WDR35: variants seen among roughly 807,000 people sequenced by gnomAD.
WDR35 encodes WD repeat-containing protein 35.
A neutral mutation model predicts 158.3 loss-of-function variants in WDR35; 118 were observed. The ratio of observed to expected loss-of-function variants is 0.75; its 90% CI spans 0.64 to 0.87. The LOEUF is 0.87. WDR35 is among the 40% of genes least tolerant of loss of function. WDR35 has a pLI of 0.00. For synonymous variants in WDR35, 448 were observed against 476.1 expected (o/e 0.94, Z 0.77); for missense variants, 1,263 against 1,405.8 (o/e 0.90, Z 1.62).
chr2:19,921,492 T>C (rs1216726772), intron 25 of WDR35, among the ~76,000 whole-genome samples: 1 of 152,188 alleles, frequency 6.6e-6, no homozygotes, highest in Admixed American at 6.5e-5. Context: ...ATTCCCTATT[T>C]AATAAATGAT....
chr2:19,933,369 A>C, intron 22 of WDR35, 32 bp downstream of exon 22: 1 of 1,565,886 alleles, frequency 6.4e-7, no homozygotes, highest in Non-Finnish European at 8.8e-7. Context: ...CTAAGACAAT[A>C]AGCTGCACAG....
rs921594852 is a variant in WDR35 at position 19,930,557 on chromosome 2, G to A, written c.2965-5C>T. 8.1e-6 allele frequency: 13 copies of A among 1,613,774 alleles called. No individual in the cohort carries two copies. Among genetic ancestry groups the A allele is most frequent in the African/African-American group, 5.3e-5 (4 of 74,916 alleles). ...ACCAGCCAAGGCAGAAGTGGCCTAC[G>A]AGTAAAGTCAGCCCACACTTTCCGT... is the stretch of plus-strand genomic sequence containing the variant. On this transcript the variant is annotated splice_polypyrimidine_tract_variant and splice_region_variant and intron_variant, in intron 24 of 26. Transcript: ENST00000281405.
intron 25 of WDR35, among the ~76,000 whole-genome samples, chr2:19,919,380 CAAA>C (rs1302042752): frequency 2.1e-5 from 1 of 48,242 alleles, no homozygotes; most frequent in African/African-American, 6.6e-5. Context: ...GGCTCCATCT[CAAA>C]AAAAAAAAAA....
At chr2:19,965,971 C>T (rs1329027981) in intron 10 of WDR35, among the ~76,000 whole-genome samples, 1 of 152,298 alleles carries the variant, frequency 6.6e-6, no homozygotes, top group East Asian at 1.9e-4. Context: ...GTAATTACCG[C>T]TAATCCACCT....
At position 19,936,312 on chromosome 2, in the gene WDR35, TG is replaced by T. The variant is rs1421613051; in HGVS notation, c.2320del (p.Gln774SerfsTer3). The T allele has an allele frequency of 5.6e-6, 9 of 1,613,930 alleles. No homozygotes were observed. Among genetic ancestry groups the T allele is most frequent in the Non-Finnish European group, 7.6e-6 (9 of 1,179,948 alleles). ...ATCACCAGATCCAGTTTTCAGGAGCTGGAGTACTCTAAACCAATCCCCCAAT... is the reference window on the plus strand; with the variant it reads ...ATCACCAGATCCAGTTTTCAGGAGCTGAGTACTCTAAACCAATCCCCCAAT... ...LKLGDWFRVLQLLKTGSGDAD... is the reference protein window; with the variant it reads ...LKLGDWFRVLXLLKTGSGDAD... On this transcript the variant is annotated frameshift_variant, in exon 20 of 27. Coordinates refer to ENST00000281405, the MANE Select transcript of WDR35 (RefSeq NM_020779.4). LOFTEE classifies it high-confidence loss of function.
At chr2:19,972,150 A>G (rs1232341646) in intron 8 of WDR35, among the ~76,000 whole-genome samples, 2 of 152,232 alleles carry the variant, frequency 1.3e-5, no homozygotes, top group Admixed American at 1.3e-4. Context: ...TAAATCATTA[A>G]GTTTAAATTG....
intron 2 of WDR35, among the ~76,000 whole-genome samples, chr2:19,983,520 A>C (rs997086961): frequency 1.3e-5 from 2 of 152,248 alleles, no homozygotes; most frequent in African/African-American, 4.8e-5. Context: ...ATCTCAATAA[A>C]TTAATCTTGG....
chr2:19,926,244 T>A (rs1670352127), intron 25 of WDR35, among the ~76,000 whole-genome samples: 1 of 152,248 alleles, frequency 6.6e-6, no homozygotes, highest in Non-Finnish European at 1.5e-5. Flanking sequence ...TTCTTTACTA[T>A]CCCCTTAGCT....
At position 19,939,415 on chromosome 2, in the gene WDR35, AC is replaced by A. The variant is rs563523360; in HGVS notation, c.1927-1015del. Among the ~76,000 whole-genome samples the A allele has an allele frequency of 7.9e-5, 12 of 152,188 alleles. 2 individuals carry two copies. In the South Asian group the frequency reaches 2.5e-3, roughly 32 times the overall value. ...TAAAATATAATTTAAACTAATAACT[AC>A]CTGGTTTTTCATAATTTTTCTTCTC... On this transcript the variant is annotated intron_variant, in intron 17 of 26. Transcript: ENST00000281405.
intron 10 of WDR35, among the ~76,000 whole-genome samples, chr2:19,966,242 T>A (rs779906040): frequency 3.9e-5 from 6 of 152,190 alleles, no homozygotes; most frequent in Non-Finnish European, 8.8e-5. Flanking sequence ...GTTGTTAGTA[T>A]ACTTTTTAAA....
intron 25 of WDR35, among the ~76,000 whole-genome samples, chr2:19,925,507 G>A (rs924768789): frequency 2.6e-5 from 4 of 152,222 alleles, no homozygotes; most frequent in Admixed American, 6.5e-5. Flanking sequence ...GTAGATACAG[G>A]AGCGGACATT....
In WDR35 at chr2:19,948,158, A is replaced by G. The variant is rs538690955; in HGVS notation, c.1524+6T>C. ...TATTCATAAAATAAGTTTTTGCAAA[A>G]CTTACCACAATCAATATCTTATCTG... On this transcript the variant is annotated splice_donor_region_variant and intron_variant, in intron 14 of 26. Coordinates refer to ENST00000281405, the MANE Select transcript of WDR35 (RefSeq NM_020779.4). 6.2e-7 allele frequency: 1 copy of G among 1,605,538 alleles called. No homozygotes were observed. Among genetic ancestry groups the G allele is most frequent in the Admixed American group, 1.7e-5 (1 of 59,644 alleles).
rs1670592642 is a variant in WDR35, at chr2:19,933,499, T to C, written c.2560A>G (p.Met854Val). ...TCACACATTCCAACTCTGACAAACA[T>C]TTGTGCTATTTCCTGTACAAACAAA... ...NHKLLPEIAQ[M>V]FVRVGMCEQA... Residue 854 changes from methionine to valine, a missense_variant, in exon 22 of 27, where the codon ATG becomes GTG. By Grantham distance (21) the Met-to-Val change is conservative. Coordinates refer to ENST00000281405, the MANE Select transcript of WDR35 (RefSeq NM_020779.4). 1.2e-6 allele frequency: 2 copies of C among 1,613,522 alleles called. No homozygotes were observed. The highest frequency in any genetic ancestry group is 1.7e-6 in the Non-Finnish European group (2 of 1,179,786).
rs997767987 is a variant in WDR35, at chr2:19,913,099, G to C, written c.*459C>G. ...ACTTATTTAATTAAATATGGCTATA[G>C]AGAAAGCTCATTTCATTATTACAAT... On this transcript the variant is annotated 3_prime_UTR_variant, in exon 27 of 27. Coordinates refer to ENST00000281405, the MANE Select transcript of WDR35 (RefSeq NM_020779.4). 3 of 155,564 alleles carry C rather than the reference G, an allele frequency of 1.9e-5. No individual in the cohort carries two copies. Among genetic ancestry groups the C allele is most frequent in the African/African-American group, 4.8e-5 (2 of 41,458 alleles). 9.6% of individuals were successfully genotyped at this position (155,564 alleles called of 1,614,324 possible).
chr2:19,945,682 C>T, intron 16 of WDR35, 104 bp downstream of exon 16: 2 of 1,221,726 alleles, frequency 1.6e-6, no homozygotes, highest in Non-Finnish European at 1.2e-6. Flanking sequence ...GCCGTGTTGG[C>T]ACTGCTATTC....
At chr2:19,973,031 A>C (rs1193865121) in intron 8 of WDR35, among the ~76,000 whole-genome samples, 1 of 152,122 alleles carries the variant, frequency 6.6e-6, no homozygotes. Context: ...TCATATGTAC[A>C]TTTATGAAAA....
At chr2:19,917,021 C>T (rs1045673253) in intron 25 of WDR35, among the ~76,000 whole-genome samples, 4 of 152,164 alleles carry the variant, frequency 2.6e-5, no homozygotes, top group African/African-American at 9.7e-5. Context: ...TGGCAGGTGC[C>T]CCTCTGGGAC....
At chr2:19,922,056 A>C (rs1158386378) in intron 25 of WDR35, among the ~76,000 whole-genome samples, 1 of 152,242 alleles carries the variant, frequency 6.6e-6, no homozygotes, top group Admixed American at 6.5e-5. Flanking sequence ...GATCATTAAA[A>C]AGTCAGGAAA....
chr2:19,962,230 G>T, intron 10 of WDR35: 1 of 1,569,276 alleles, frequency 6.4e-7, no homozygotes. Context: ...TTTCTGATCA[G>T]CTATAACCTC....
Sources: gnomAD v4.1 joint callset for allele counts (sites outside exome capture counted in the v4.1 genomes callset) on GRCh38, gnomAD v4.1.1 for gene constraint, MANE v1.5 for transcripts, NCBI Gene and HGNC (gene_info 2026-07-23, HGNC 2026-07-21) for gene names.